Variants in TNS3 observed in about 807,000 individuals in gnomAD.
The protein encoded by TNS3 is tensin-3.
Under a neutral mutation model 140.9 loss-of-function variants are expected in TNS3, and 45 were observed. The observed-to-expected ratio is 0.32, with a 90% CI of 0.25 to 0.41. TNS3 has a LOEUF of 0.41. TNS3 is among the 10% of genes least tolerant of loss of function. The probability of loss-of-function intolerance (pLI) is 1.00; values close to 1 mark genes in which losing one functional copy is unlikely to be tolerated. For missense variants in TNS3, 1,716 were observed against 1,906.7 expected (o/e 0.90, Z 1.86); for synonymous variants, 815 against 788.4 (o/e 1.03, Z -0.56).
At chr7:47,481,664 A>G in intron 3 of TNS3, 2 of 985,404 alleles carry the variant, frequency 2.0e-6, no homozygotes, top group Non-Finnish European at 2.4e-6. Flanking sequence ...TGGTTATTCC[A>G]TTCCGCACAA....
chr7:47,317,485 G>A (rs890810819), intron 20 of TNS3, among the ~76,000 whole-genome samples: 1 of 152,212 alleles, frequency 6.6e-6, no homozygotes, highest in Admixed American at 6.5e-5. Context: ...AGTTGGTGTT[G>A]TGTAGAGAAT....
At chr7:47,474,559 G>T (rs932022196) in intron 4 of TNS3, among the ~76,000 whole-genome samples, 3 of 121,948 alleles carry the variant, frequency 2.5e-5, no homozygotes, top group African/African-American at 9.6e-5. Context: ...AACACACACA[G>T]CACAACACAC....
chr7:47,471,127 T>C (rs1796934894), intron 4 of TNS3, among the ~76,000 whole-genome samples: 1 of 152,160 alleles, frequency 6.6e-6, no homozygotes, highest in Non-Finnish European at 1.5e-5. Context: ...AAGGCCTGTA[T>C]GTTATTTTAG....
intron 4 of TNS3, among the ~76,000 whole-genome samples, chr7:47,479,840 G>C (rs551519143): frequency 1.3e-5 from 2 of 152,332 alleles, no homozygotes; most frequent in African/African-American, 4.8e-5. Context: ...AGCTAGGTTA[G>C]AGAGCACCTC....
chr7:47,444,690 T>TCAATCC (rs5884001), intron 4 of TNS3, among the ~76,000 whole-genome samples: 44,672 of 151,838 alleles, frequency 0.29, 6,954 homozygotes, highest in Non-Finnish European at 0.35. Flanking sequence ...CGGGATCTTC[T>TCAATCC]CAATCCAATA....
At chr7:47,527,803 G>C (rs894027839) in intron 2 of TNS3, among the ~76,000 whole-genome samples, 1 of 152,056 alleles carries the variant, frequency 6.6e-6, no homozygotes, top group African/African-American at 2.4e-5. Flanking sequence ...AGCTACTGGA[G>C]TGGCTGAGGT....
rs1038254740 is a variant in TNS3 at position 47,415,968 on chromosome 7, G to T, written c.474-762C>A. Among the ~76,000 whole-genome samples the T allele has an allele frequency of 5.1e-4, 78 of 152,238 alleles. 1 individual carries two copies. Among genetic ancestry groups the T allele is most frequent in the African/African-American group, 1.2e-4 (5 of 41,448 alleles). The stretch of plus-strand genomic sequence containing the variant: ...GCAGCAGTGACCACAGGATGAGCCG[G>T]AGGCTTACCAAGCTCTCTGACGCTT... On this transcript the variant is annotated intron_variant, in intron 10 of 30. Transcript: ENST00000311160.
chr7:47,352,360 TCTCACA>T (rs755511726), intron 17 of TNS3, among the ~76,000 whole-genome samples: 47 of 152,188 alleles, frequency 3.1e-4, no homozygotes, highest in Non-Finnish European at 6.0e-4. Flanking sequence ...TCACACTCAT[TCTCACA>T]CTCACACTCA....
chr7:47,326,916 C>A (rs1381675500), intron 20 of TNS3, among the ~76,000 whole-genome samples: 1 of 152,218 alleles, frequency 6.6e-6, no homozygotes, highest in African/African-American at 2.4e-5. Context: ...AGAGCGGCTG[C>A]AGTGCTCGTT....
chr7:47,439,802 G>A, intron 5 of TNS3, 144 bp from the exon 6 acceptor site: 1 of 794,236 alleles, frequency 1.3e-6, no homozygotes. Flanking sequence ...AATTTACAGT[G>A]TGTGCAGCCT....
intron 4 of TNS3, among the ~76,000 whole-genome samples, chr7:47,478,825 T>C (rs1797300474): frequency 6.6e-6 from 1 of 152,096 alleles, no homozygotes; most frequent in Non-Finnish European, 1.5e-5. Flanking sequence ...CATGTATGTG[T>C]TCATGTACCA....
At chr7:47,437,174 C>T in intron 7 of TNS3, 89 bp downstream of exon 7, 1 of 849,256 alleles carries the variant, frequency 1.2e-6, no homozygotes, top group Non-Finnish European at 1.9e-6. Flanking sequence ...AGTCACATTC[C>T]ACAAAGACTA....
intron 3 of TNS3, among the ~76,000 whole-genome samples, chr7:47,486,951 T>TC (rs1797633791): frequency 6.6e-6 from 1 of 152,152 alleles, no homozygotes; most frequent in African/African-American, 2.4e-5. Flanking sequence ...AAAATTCCAG[T>TC]CATGGTGGGT....
chr7:47,418,514 T>G (rs1410178322), intron 10 of TNS3, among the ~76,000 whole-genome samples: 1 of 152,212 alleles, frequency 6.6e-6, no homozygotes, highest in African/African-American at 2.4e-5. Flanking sequence ...ATGTTCCTAC[T>G]TAGTCAACAC....
At chr7:47,361,752 G>A (rs1447496884) in intron 17 of TNS3, among the ~76,000 whole-genome samples, 2 of 152,194 alleles carry the variant, frequency 1.3e-5, no homozygotes, top group African/African-American at 4.8e-5. Context: ...AGCACTAACA[G>A]AGCAGATGCC....
At chr7:47,356,509 T>G in intron 17 of TNS3, among the ~76,000 whole-genome samples, 1 of 152,198 alleles carries the variant, frequency 6.6e-6, no homozygotes, top group East Asian at 1.9e-4. Flanking sequence ...GTCTGCATTT[T>G]TAAAGCTCCC....
rs774726583 is a variant in TNS3, at chr7:47,340,585, C to CTTTTTTTTTTTTTT, written c.2650+4156_2650+4169dup. Among the ~76,000 whole-genome samples, 359 of 134,760 alleles carry CTTTTTTTTTTTTTT rather than the reference C, an allele frequency of 2.7e-3. 7 individuals carry two copies. Among genetic ancestry groups the CTTTTTTTTTTTTTT allele is most frequent in the African/African-American group, 8.8e-3 (319 of 36,118 alleles). The allele number at this position is 134,760 out of a possible 152,430, so 88.4% of individuals were successfully genotyped here. On this transcript the variant is annotated intron_variant, in intron 20 of 30. Transcript: ENST00000311160. ...TGTTCCCTGGGATTTTCTTTTTTTT[C>CTTTTTTTTTTTTTT]TTTTTTTTTTTTTTGAGACAGAGTC... is the stretch of plus-strand genomic sequence containing the variant.
At position 47,304,913 on chromosome 7, in the gene TNS3, G is replaced by A. The variant is rs544588940; in HGVS notation, c.2741C>T (p.Ala914Val). Residue 914 changes from alanine (A) to valine (V), a missense_variant, in exon 21 of 31, where the codon GCG (alanine) becomes GTG (valine). Ala to Val is a moderately conservative substitution (Grantham distance 64, BLOSUM62 0). Coordinates refer to ENST00000311160, the MANE Select transcript of TNS3 (RefSeq NM_022748.12). Reference sequence around the variant, plus strand: ...CTGCTGAAAGGAGGGCGTCGAGGACGCATCAGCCCGGAGCATCGTGGATTT... The same window carrying A: ...CTGCTGAAAGGAGGGCGTCGAGGACACATCAGCCCGGAGCATCGTGGATTT... Reference protein sequence around the residue: ...GPKSTMLRADASSTPSFQQAF... With the variant: ...GPKSTMLRADVSSTPSFQQAF... 2.5e-5 allele frequency: 36 copies of A among 1,433,494 alleles called. 1 individual carries two copies. Among genetic ancestry groups the A allele is most frequent in the Middle Eastern group, 1.9e-4 (1 of 5,392 alleles). The allele number at this position is 1,433,494 out of a possible 1,614,324, so 88.8% of individuals were successfully genotyped here.
rs962140817 is a variant in TNS3, at chr7:47,442,008, A to G, written c.-28T>C. 2 of 1,290,240 alleles carry G rather than the reference A, an allele frequency of 1.6e-6. No individual in the cohort carries two copies. Among genetic ancestry groups the G allele is most frequent in the African/African-American group, 3.0e-5 (2 of 65,866 alleles). 79.9% of individuals were successfully genotyped at this position (1,290,240 alleles called of 1,614,324 possible). A position where few individuals can be genotyped will look rare whatever the true frequency, so the allele number is the denominator to read the frequency against. Reference sequence around the variant, plus strand: ...TGACCCACACAGACACTCACCGCAGAGGTTTATCACGGCAGAGAGAACTGG... The same window carrying G: ...TGACCCACACAGACACTCACCGCAGGGGTTTATCACGGCAGAGAGAACTGG... On this transcript the variant is annotated 5_prime_UTR_variant, in exon 5 of 31. Coordinates refer to ENST00000311160, the MANE Select transcript of TNS3 (RefSeq NM_022748.12).
Sources: gnomAD v4.1 joint callset for allele counts (sites outside exome capture counted in the v4.1 genomes callset) on GRCh38, gnomAD v4.1.1 for gene constraint, MANE v1.5 for transcripts, NCBI Gene and HGNC (gene_info 2026-07-23, HGNC 2026-07-21) for gene names.